The following ACRV1 variants were observed in gnomAD, a reference collection of about 807,000 sequenced individuals.
The protein encoded by ACRV1 is acrosomal vesicle protein 1.
A neutral mutation model predicts 29.2 loss-of-function variants in ACRV1; 17 were observed. The observed-to-expected ratio is 0.58, with a 90% confidence interval of 0.40 to 0.87. The LOEUF (loss-of-function observed/expected upper bound fraction) is 0.87. Among genes scored for constraint, ACRV1 ranks in the 40% least tolerant of loss-of-function variants. ACRV1 has a pLI of 0.00. For synonymous variants in ACRV1, 98 were observed against 111.6 expected (o/e 0.88, Z 0.77); for missense variants, 294 against 316.0 (o/e 0.93, Z 0.53).
intron 3 of ACRV1, 143 bp from the exon 4 acceptor site, chr11:125,672,860 C>G (rs1358619286): frequency 5.5e-6 from 6 of 1,085,892 alleles, no homozygotes; most frequent in Non-Finnish European, 7.7e-6. Flanking sequence ...CTATTTGCTT[C>G]CTCTGGGAAC....
At chr11:125,679,291 C>T (rs1459641819) in intron 1 of ACRV1, among the ~76,000 whole-genome samples, 1 of 144,912 alleles carries the variant, frequency 6.9e-6, no homozygotes, top group African/African-American at 2.6e-5. Flanking sequence ...AATCTTGGCT[C>T]ACTGCAACCT....
At chr11:125,676,836 C>G (rs1942535140) in intron 2 of ACRV1, among the ~76,000 whole-genome samples, 1 of 152,198 alleles carries the variant, frequency 6.6e-6, no homozygotes, top group Non-Finnish European at 1.5e-5. Flanking sequence ...TACTCCCCAT[C>G]ATACTCTCAC....
intron 1 of ACRV1, among the ~76,000 whole-genome samples, chr11:125,678,822 T>C (rs1454984079): frequency 6.6e-6 from 1 of 151,502 alleles, no homozygotes; most frequent in Non-Finnish European, 1.5e-5. Context: ...GGATGACAAG[T>C]ATGAGCCCAC....
rs1316727624 is a variant in ACRV1, at chr11:125,678,298, C to G, written c.53-1G>C. The G allele has an allele frequency of 4.3e-6, 7 of 1,612,890 alleles. No homozygotes were observed. The highest frequency in any genetic ancestry group is 5.1e-6 in the Non-Finnish European group (6 of 1,179,490). On this transcript the variant is annotated splice_acceptor_variant, in intron 1 of 3. Transcript: ENST00000533904. LOFTEE classifies it high-confidence loss of function. ...AGCTCATTAGGCTGACTTGATGTTC[C>G]TGGGATGGAGAAGGAACAGAAGAGA... is the stretch of plus-strand genomic sequence containing the variant.
Position 125,678,281 on chromosome 11 carries a change from A to T in ACRV1, c.69T>A (p.Pro23=). ...LGSARGTSSQ[P]NELSGSIDHQ... is the part of the protein sequence containing the mutation. ...GATCTATGGAGCCAGAAAGCTCATT[A>T]GGCTGACTTGATGTTCCTGGGATGG... The change falls in exon 2 of 4, where the codon CCT becomes CCA. Residue 23 remains proline (P), a synonymous_variant. Transcript: ENST00000533904. The T allele has an allele frequency of 6.2e-7, 1 of 1,613,940 alleles. No individual in the cohort carries two copies. The highest frequency in any genetic ancestry group is 1.3e-5 in the African/African-American group (1 of 74,996).
chr11:125,680,111 C>T (rs1238898999), intron 1 of ACRV1, among the ~76,000 whole-genome samples: 5 of 152,166 alleles, frequency 3.3e-5, no homozygotes, highest in Non-Finnish European at 7.3e-5. Context: ...AAAAGCAAAA[C>T]CTCTGACAGT....
chr11:125,678,251 T>C lies in ACRV1; in HGVS notation c.99A>G (p.Gln33=). ...CACCTGGAAGTTGCTGAACTGAAGTTTGATGATCTATGGAGCCAGAAAGCT... is the reference window on the plus strand; with the variant it reads ...CACCTGGAAGTTGCTGAACTGAAGTCTGATGATCTATGGAGCCAGAAAGCT... The part of the protein sequence containing the change: ...PNELSGSIDH[Q]TSVQQLPGEF... The change falls in exon 2 of 4, where the codon CAA becomes CAG. Residue 33 remains glutamine (Q), a synonymous_variant. Transcript: ENST00000533904. 6.2e-7 allele frequency: 1 copy of C among 1,614,182 alleles called. No homozygotes were observed. Among genetic ancestry groups the C allele is most frequent in the Non-Finnish European group, 8.5e-7 (1 of 1,180,026 alleles).
intron 3 of ACRV1, 77 bp from the exon 4 acceptor site, chr11:125,672,794 T>C: frequency 2.6e-6 from 4 of 1,565,164 alleles, no homozygotes; most frequent in Non-Finnish European, 1.7e-6. Flanking sequence ...ATGCTCAGTG[T>C]CTCCATGCAG....
chr11:125,680,652 T>TC, intron 1 of ACRV1, 77 bp downstream of exon 1: 3 of 1,335,854 alleles, frequency 2.2e-6, no homozygotes, highest in Non-Finnish European at 3.2e-6. Context: ...GAGAGACTGG[T>TC]CTTCCTTCTT....
At position 125,672,462 on chromosome 11, in the gene ACRV1, G is replaced by T; in HGVS notation, c.*131C>A. ...AGAAGAAGAAAGATAGGATGTTTGAGCATCCTAATGCTCAGGCAGAGGCAG... is the reference window on the plus strand; with the variant it reads ...AGAAGAAGAAAGATAGGATGTTTGATCATCCTAATGCTCAGGCAGAGGCAG... On this transcript the variant is annotated 3_prime_UTR_variant, in exon 4 of 4. Coordinates refer to ENST00000533904, the MANE Select transcript of ACRV1 (RefSeq NM_001612.6). 1 of 1,013,942 alleles carries T rather than the reference G, an allele frequency of 9.9e-7. No homozygotes were observed. The allele number at this position is 1,013,942 out of a possible 1,614,324, so 62.8% of individuals were successfully genotyped here.
intron 1 of ACRV1, among the ~76,000 whole-genome samples, chr11:125,678,949 T>G (rs925788202): frequency 3.4e-5 from 3 of 89,022 alleles, no homozygotes; most frequent in African/African-American, 1.3e-4. Context: ...TATAAGCTAT[T>G]AAGGTAAAAA....
Position 125,680,690 on chromosome 11 carries a change from C to G in ACRV1, c.52+39G>C, listed in dbSNP as rs1173954086. 3 of 1,579,886 alleles carry G rather than the reference C, an allele frequency of 1.9e-6. No homozygotes were observed. In the South Asian group the frequency reaches 3.4e-5, roughly 18 times the overall value. ...AGGCCTGAAATGTCTTAAGGGAGAC[C>G]CCTTTTGTATTTACCTGAAGCCTAG... is the stretch of plus-strand genomic sequence containing the variant. On this transcript the variant is annotated intron_variant, in intron 1 of 3. Transcript: ENST00000533904.
At chr11:125,673,819 C>T (rs1028930786) in intron 3 of ACRV1, among the ~76,000 whole-genome samples, 8 of 152,150 alleles carry the variant, frequency 5.3e-5, no homozygotes, top group Non-Finnish European at 1.0e-4. Context: ...GAAGGTCTGT[C>T]AGTTCTACTT....
intron 3 of ACRV1, 33 bp from the exon 4 acceptor site, chr11:125,672,750 A>G: frequency 3.7e-6 from 6 of 1,612,350 alleles, no homozygotes; most frequent in Middle Eastern, 1.7e-4. Context: ...AGTGAGCAGA[A>G]AGCTTCGTCC....
At position 125,677,996 on chromosome 11, in the gene ACRV1, C is replaced by T. The variant is rs1565396728; in HGVS notation, c.354G>A (p.Gln118=). Reference sequence around the variant, plus strand: ...CTCCGGAGAGGTGTTCACCTGAAGGCTGTTCTCCTGAAGGCTGCTCACCTA... The same window carrying T: ...CTCCGGAGAGGTGTTCACCTGAAGGTTGTTCTCCTGAAGGCTGCTCACCTA... The part of the protein sequence containing the change: ...HTVGEQPSGE[Q]PSGEHLSGEQ... The change falls in exon 2 of 4, where the codon CAG becomes CAA. Residue 118 remains glutamine, a synonymous_variant. Transcript: ENST00000533904. 2 of 1,613,622 alleles carry T rather than the reference C, an allele frequency of 1.2e-6. No individual in the cohort carries two copies. Among genetic ancestry groups the T allele is most frequent in the East Asian group, 4.5e-5 (2 of 44,874 alleles).
At chr11:125,674,402 AGAAAG>A (rs1445239654) in intron 3 of ACRV1, among the ~76,000 whole-genome samples, 2 of 152,228 alleles carry the variant, frequency 1.3e-5, no homozygotes, top group Admixed American at 1.3e-4. Context: ...CATTTCGATT[AGAAAG>A]GAAAGAGGAT....
intron 1 of ACRV1, among the ~76,000 whole-genome samples, chr11:125,680,065 C>T (rs1478719049): frequency 6.6e-6 from 1 of 152,240 alleles, no homozygotes; most frequent in Non-Finnish European, 1.5e-5. Context: ...TGTGTATCTA[C>T]ATTTTTGAGT....
Position 125,680,449 on chromosome 11 carries a change from G to T in ACRV1, c.52+280C>A, listed in dbSNP as rs183874783. ...CATTGGGCTTCTACAGAACCCCTAA[G>T]CCTACTTTTTCATCTCATGCAGCAT... On this transcript the variant is annotated intron_variant, in intron 1 of 3. Coordinates refer to ENST00000533904, the MANE Select transcript of ACRV1 (RefSeq NM_001612.6). Among the ~76,000 whole-genome samples the T allele has an allele frequency of 2.6e-5, 4 of 152,274 alleles. No individual in the cohort carries two copies. The South Asian group carries it at 8.3e-4, about 32-fold the overall frequency.
At chr11:125,673,362 C>T (rs775264484) in intron 3 of ACRV1, among the ~76,000 whole-genome samples, 2 of 151,960 alleles carry the variant, frequency 1.3e-5, no homozygotes, top group Non-Finnish European at 2.9e-5. Flanking sequence ...ACCACCACAC[C>T]TGGCTAATTT....
Sources: gnomAD v4.1 joint callset for allele counts (sites outside exome capture counted in the v4.1 genomes callset) on GRCh38, gnomAD v4.1.1 for gene constraint, MANE v1.5 for transcripts, NCBI Gene and HGNC (gene_info 2026-07-23, HGNC 2026-07-21) for gene names.